The following ATAD2B variants were observed in gnomAD, a reference collection of about 807,000 sequenced individuals.
ATAD2B encodes the protein ATPase family AAA domain-containing protein 2B.
A neutral mutation model predicts 167.6 loss-of-function variants in ATAD2B; 40 were observed. That is an observed-to-expected ratio of 0.24 (90% CI 0.19 to 0.31). ATAD2B has a LOEUF of 0.31. Among genes scored for constraint, ATAD2B ranks in the 10% least tolerant of loss-of-function variants. The pLI is 1.00. For synonymous variants in ATAD2B, 579 were observed against 596.5 expected (o/e 0.97, Z 0.43); for missense variants, 1,242 against 1,757.2 (o/e 0.71, Z 5.24).
chr2:23,841,390 C>T (rs887501545), intron 13 of ATAD2B, among the ~76,000 whole-genome samples: 3 of 152,160 alleles, frequency 2.0e-5, no homozygotes, highest in Non-Finnish European at 4.4e-5. Context: ...TAATTTTACA[C>T]TATTTAACTA....
At chr2:23,870,347 C>G (rs1217397791) in intron 8 of ATAD2B, among the ~76,000 whole-genome samples, 2 of 133,744 alleles carry the variant, frequency 1.5e-5, no homozygotes, top group Non-Finnish European at 3.1e-5. Context: ...AGTGCGGTGG[C>G]AAGGTCAGGG....
At chr2:23,779,539 A>G (rs1375212922) in intron 22 of ATAD2B, among the ~76,000 whole-genome samples, 1 of 152,180 alleles carries the variant, frequency 6.6e-6, no homozygotes, top group Non-Finnish European at 1.5e-5. Context: ...AAAAGTCTTA[A>G]AAGATATATA....
intron 15 of ATAD2B, 82 bp from the exon 16 acceptor site, chr2:23,823,651 T>C (rs1294469127): frequency 1.6e-6 from 2 of 1,245,912 alleles, no homozygotes; most frequent in Non-Finnish European, 2.2e-6. Flanking sequence ...TACACATCTT[T>C]AGCTAAAGTC....
chr2:23,700,893 G>A, the ATAD2B span, among the ~76,000 whole-genome samples: 1 of 152,052 alleles, frequency 6.6e-6, no homozygotes, highest in East Asian at 1.9e-4. This position sits in a 1 kb window ranked among gnomAD's most constrained non-coding sequence, Gnocchi z 4.6. Context: ...ACGCCTCTCA[G>A]CTCCCCTCTT....
At chr2:23,786,370 C>A in intron 20 of ATAD2B, 147 bp from the exon 21 acceptor site, 1 of 713,808 alleles carries the variant, frequency 1.4e-6, no homozygotes, top group Non-Finnish European at 2.3e-6. Context: ...AAGAAATGTG[C>A]AGTTAGGCAA....
At chr2:23,829,136 T>C (rs548990119) in intron 14 of ATAD2B, among the ~76,000 whole-genome samples, 197 bp from the exon 15 acceptor site, 137 of 119,752 alleles carry the variant, frequency 1.1e-3, no homozygotes, top group Non-Finnish European at 1.0e-3. Flanking sequence ...CTGGGAGATA[T>C]GTAGTAGAGA....
At chr2:23,887,737 G>T in intron 4 of ATAD2B, 95 bp downstream of exon 4, 1 of 1,140,872 alleles carries the variant, frequency 8.8e-7, no homozygotes, top group Non-Finnish European at 1.2e-6. Flanking sequence ...GAACTGTATT[G>T]ATTGCTAAGT....
intron 12 of ATAD2B, 78 bp downstream of exon 12, chr2:23,863,303 G>C: frequency 7.2e-7 from 1 of 1,380,510 alleles, no homozygotes; most frequent in Non-Finnish European, 9.8e-7. Context: ...ACAGAGAGAG[G>C]CCCTGTCTCA....
intron 1 of ATAD2B, among the ~76,000 whole-genome samples, chr2:23,922,807 G>A (rs1488785092): frequency 6.6e-6 from 1 of 151,486 alleles, no homozygotes; most frequent in East Asian, 1.9e-4. Flanking sequence ...ACCACAATGA[G>A]ATATCACCTC....
intron 1 of ATAD2B, among the ~76,000 whole-genome samples, chr2:23,904,145 T>G (rs1701189392): frequency 6.6e-6 from 1 of 151,912 alleles, no homozygotes; most frequent in East Asian, 1.9e-4. Flanking sequence ...TGAAACATGG[T>G]CATAAAAGAA....
intron 12 of ATAD2B, among the ~76,000 whole-genome samples, chr2:23,859,815 G>GT (rs928383676): frequency 4.0e-5 from 6 of 151,692 alleles, no homozygotes; most frequent in Non-Finnish European, 8.8e-5. Context: ...ACGCGTGGCG[G>GT]GGGGGGCACC....
chr2:23,783,972 T>C (rs1680431416), intron 21 of ATAD2B, among the ~76,000 whole-genome samples: 1 of 152,014 alleles, frequency 6.6e-6, no homozygotes, highest in African/African-American at 2.4e-5. Context: ...TTTTTTAATG[T>C]TTAGGATTAC....
intron 19 of ATAD2B, among the ~76,000 whole-genome samples, chr2:23,795,557 T>C (rs1055643998): frequency 1.3e-5 from 2 of 152,130 alleles, no homozygotes; most frequent in East Asian, 1.9e-4. Context: ...TGCTAAATAT[T>C]AGAGATTACT....
chr2:23,872,613 A>G lies in ATAD2B; in HGVS notation c.978-2852T>C. 11 of 1,322,998 alleles carry G rather than the reference A, an allele frequency of 8.3e-6. No individual in the cohort carries two copies. The South Asian group carries it at 1.2e-4, about 14-fold the overall frequency. 82.0% of individuals were successfully genotyped at this position (1,322,998 alleles called of 1,614,324 possible). ...CTGCGATCCTTACTAATGTTGCTGT[A>G]GAAAGGATGGTCAGGCTCCATCGGA... On this transcript the variant is annotated intron_variant, in intron 8 of 27. Transcript: ENST00000238789.
At chr2:23,859,937 G>C (rs1573084816) in intron 12 of ATAD2B, among the ~76,000 whole-genome samples, 1 of 151,116 alleles carries the variant, frequency 6.6e-6, no homozygotes, top group South Asian at 2.1e-4. Flanking sequence ...GTGACAGAGC[G>C]AGACTCAGCC....
chr2:23,720,967 C>A, the ATAD2B span, among the ~76,000 whole-genome samples: 1 of 135,796 alleles, frequency 7.4e-6, no homozygotes, highest in Non-Finnish European at 1.6e-5. Flanking sequence ...CTCTCCAGCA[C>A]CAGGGCTCCA....
intron 17 of ATAD2B, among the ~76,000 whole-genome samples, chr2:23,811,893 T>C (rs546438404): frequency 6.6e-6 from 1 of 151,946 alleles, no homozygotes. Flanking sequence ...CCAACACAAA[T>C]TTTATTTCTG....
chr2:23,834,150 TTC>T (rs1296470507), intron 13 of ATAD2B, 72 bp from the exon 14 acceptor site: 39 of 679,890 alleles, frequency 5.7e-5, no homozygotes, highest in East Asian at 1.1e-4. Context: ...TTATCAGTCT[TTC>T]TTTTTTTTTT....
chr2:23,806,819 A>G (rs1684469909), intron 18 of ATAD2B, among the ~76,000 whole-genome samples: 1 of 152,202 alleles, frequency 6.6e-6, no homozygotes, highest in Non-Finnish European at 1.5e-5. Context: ...CATTTCACAG[A>G]TGAGAAAATT....
Sources: gnomAD v4.1 joint callset for allele counts (sites outside exome capture counted in the v4.1 genomes callset) on GRCh38, gnomAD v4.1.1 for gene constraint, Gnocchi (gnomAD v3.1) non-coding constraint, MANE v1.5 for transcripts, NCBI Gene and HGNC (gene_info 2026-07-23, HGNC 2026-07-21) for gene names.